STARD8: variants seen among roughly 807,000 people sequenced by gnomAD.
The protein encoded by STARD8 is stAR-related lipid transfer protein 8.
In STARD8, 25 loss-of-function variants were observed where a neutral mutation model predicts 69.4. The ratio of observed to expected loss-of-function variants is 0.36; its 90% CI spans 0.26 to 0.50. The LOEUF is 0.50. Among genes scored for constraint, STARD8 ranks in the 20% least tolerant of loss-of-function variants. The probability of loss-of-function intolerance (pLI) is 0.96; values close to 1 mark genes in which losing one functional copy is unlikely to be tolerated. For synonymous variants in STARD8, 389 were observed against 374.6 expected (o/e 1.04, Z -0.45); for missense variants, 921 against 932.5 (o/e 0.99, Z 0.16).
At chrX:68,680,036 T>A (rs1049618930) in intron 2 of STARD8, among the ~76,000 whole-genome samples, 3 of 112,037 alleles carry the variant, frequency 2.7e-5, no homozygotes, top group Non-Finnish European at 5.6e-5. Context: ...AAACTGTGCG[T>A]CGCCAACTTT....
chrX:68,722,327 C>A, intron 11 of STARD8, 95 bp from the exon 12 acceptor site: 1 of 885,715 alleles, frequency 1.1e-6, no homozygotes, highest in Non-Finnish European at 1.6e-6. Flanking sequence ...GCTGTGGTAG[C>A]TGCACCTCTC....
Position 68,719,372 on chromosome X carries a change from T to A in STARD8, c.1863T>A (p.Thr621=). 1 of 1,188,622 alleles carries A rather than the reference T, an allele frequency of 8.4e-7. No individual in the cohort carries two copies. The highest frequency in any genetic ancestry group is 2.4e-4 in the Middle Eastern group (1 of 4,223). ...LRLTAFMEKY[T]VPHKQGWVWS... is the part of the protein sequence containing the mutation. ...TTACCGCGTTCATGGAGAAGTACACTGTGCCCCACAAGCAGGGCTGGGTCT... is the reference window on the plus strand; with the variant it reads ...TTACCGCGTTCATGGAGAAGTACACAGTGCCCCACAAGCAGGGCTGGGTCT... Residue 621 remains threonine (T), a synonymous_variant, in exon 7 of 15, where the codon ACT becomes ACA. Transcript: ENST00000374599.
At chrX:68,666,799 G>A (rs775285935) in intron 2 of STARD8, among the ~76,000 whole-genome samples, 12 of 112,096 alleles carry the variant, frequency 1.1e-4, no homozygotes, top group East Asian at 2.8e-4. Flanking sequence ...GTCTTGCTGC[G>A]CAGTTTCTGC....
intron 2 of STARD8, among the ~76,000 whole-genome samples, chrX:68,683,268 T>C (rs993873341): frequency 8.9e-6 from 1 of 112,619 alleles, no homozygotes; most frequent in Non-Finnish European, 1.9e-5. Context: ...CAGTGGTTAC[T>C]AGCTAAAGCT....
At chrX:68,669,743 A>G (rs756833947) in intron 2 of STARD8, among the ~76,000 whole-genome samples, 1 of 111,758 alleles carries the variant, frequency 8.9e-6, no homozygotes, top group African/African-American at 3.3e-5. Context: ...GCTGCCCCAG[A>G]CCCCTCCCCC....
intron 2 of STARD8, among the ~76,000 whole-genome samples, chrX:68,703,470 G>A (rs1018217495): frequency 1.7e-4 from 19 of 112,511 alleles, no homozygotes; most frequent in East Asian, 2.8e-4. Flanking sequence ...CCTAGGCTCC[G>A]CCCCTTGCTA....
chrX:68,698,046 G>A (rs1274687792), intron 2 of STARD8, among the ~76,000 whole-genome samples: 1 of 112,222 alleles, frequency 8.9e-6, no homozygotes, highest in Non-Finnish European at 1.9e-5. Context: ...GTCCACCTCA[G>A]GCCTTAAAGA....
At position 68,647,706 on chromosome X, in the gene STARD8, A is replaced by T; in HGVS notation, c.-177A>T. On this transcript the variant is annotated 5_prime_UTR_variant, in exon 1 of 15. Transcript: ENST00000374599. Reference sequence around the variant, plus strand: ...GGCGGGAGGCGCCCGCTGTCGAGGCAGCTGAGCCCCGGCAACCGCTGCTCT... The same window carrying T: ...GGCGGGAGGCGCCCGCTGTCGAGGCTGCTGAGCCCCGGCAACCGCTGCTCT... The T allele has an allele frequency of 1.8e-6, 1 of 544,423 alleles. No homozygotes were observed. Among genetic ancestry groups the T allele is most frequent in the Non-Finnish European group, 2.8e-6 (1 of 355,693 alleles). The allele number at this position is 544,423 out of a possible 1,213,427, so 44.9% of individuals were successfully genotyped here. A position where few individuals can be genotyped will look rare whatever the true frequency, so the allele number is the denominator to read the frequency against.
At chrX:68,688,332 C>A (rs1000315528) in intron 2 of STARD8, among the ~76,000 whole-genome samples, 7 of 110,934 alleles carry the variant, frequency 6.3e-5, no homozygotes, top group Admixed American at 1.9e-4. Flanking sequence ...GCTCAGCCAG[C>A]CTGAATTGAC....
chrX:68,722,141 G>A lies in STARD8; in HGVS notation c.2554G>A (p.Asp852Asn). The A allele has an allele frequency of 8.3e-7, 1 of 1,204,823 alleles. No individual in the cohort carries two copies. Among genetic ancestry groups the A allele is most frequent in the Non-Finnish European group, 1.1e-6 (1 of 890,371 alleles). The change falls in exon 11 of 15, where the codon GAC (aspartate) becomes AAC (asparagine). Residue 852 changes from aspartate to asparagine, a missense_variant. By Grantham distance (23) the Asp-to-Asn change is conservative. Transcript: ENST00000374599. The stretch of plus-strand genomic sequence containing the variant: ...CCAGGGCCTGTCGCACATGATCAGT[G>A]ACTGCAAGAAACTTTTCCAGGTGAG... ...ATQGLSHMIS[D>N]CKKLFQVPQD...
intron 1 of STARD8, among the ~76,000 whole-genome samples, chrX:68,654,173 G>A (rs778728622): frequency 1.3e-4 from 14 of 111,977 alleles, no homozygotes; most frequent in South Asian, 3.8e-4. Context: ...GAGGCCCAGA[G>A]AGGGGAGAGA....
chrX:68,700,998 T>A (rs1240987769), intron 2 of STARD8, among the ~76,000 whole-genome samples: 1 of 111,717 alleles, frequency 9.0e-6, no homozygotes, highest in Non-Finnish European at 1.9e-5. Flanking sequence ...GTCATTTGGT[T>A]GTTTTTCACT....
intron 5 of STARD8, among the ~76,000 whole-genome samples, chrX:68,716,638 G>A (rs1359977159): frequency 9.1e-6 from 1 of 110,465 alleles, no homozygotes; most frequent in African/African-American, 3.3e-5. Context: ...TTTTTTTCTG[G>A]GGCTTTCTAT....
chrX:68,677,691 G>A (rs1171153017), intron 2 of STARD8, among the ~76,000 whole-genome samples: 1 of 111,250 alleles, frequency 9.0e-6, no homozygotes, highest in Non-Finnish European at 1.9e-5. Context: ...TCCACCAAGT[G>A]GGCACTGGCC....
chrX:68,700,102 G>A (rs56008802), intron 2 of STARD8, among the ~76,000 whole-genome samples: 6,979 of 111,637 alleles, frequency 0.063, 238 homozygotes, highest in Non-Finnish European at 0.097. Context: ...TACTGAAGCC[G>A]GAAATGAGTA....
At chrX:68,697,775 C>A (rs974342942) in intron 2 of STARD8, among the ~76,000 whole-genome samples, 3 of 112,503 alleles carry the variant, frequency 2.7e-5, no homozygotes, top group Non-Finnish European at 3.8e-5. Flanking sequence ...CAGCCCTCTA[C>A]CCCCATGTGG....
Position 68,689,991 on chromosome X carries a change from AGTTTTGTTTT to A in STARD8, c.80-22898_80-22889del, listed in dbSNP as rs370985430. 1.3e-3 allele frequency among the ~76,000 whole-genome samples: 145 copies of A among 107,826 alleles called. 1 individual carries two copies. The South Asian group carries it at 0.02, about 15-fold the overall frequency. 93.6% of individuals were successfully genotyped at this position (107,826 alleles called of 115,157 possible). A position where few individuals can be genotyped will look rare whatever the true frequency, so the allele number is the denominator to read the frequency against. On this transcript the variant is annotated intron_variant, in intron 2 of 14. Transcript: ENST00000374599. ...CTCCTATGGCCATGGCTCCTCAGGA[AGTTTTGTTTT>A]GTTTTGTTTTGTTTTGTTTTGTTTG...
At chrX:68,707,997 A>G (rs1443376896) in intron 2 of STARD8, among the ~76,000 whole-genome samples, 1 of 111,612 alleles carries the variant, frequency 9.0e-6, no homozygotes, top group Non-Finnish European at 1.9e-5. Flanking sequence ...CTCTTCTCTC[A>G]CCTCTTTTCA....
rs772480884 is a variant in STARD8 at position 68,723,123 on chromosome X, G to A, written c.2799+477G>A. 2.2e-4 allele frequency among the ~76,000 whole-genome samples: 25 copies of A among 112,698 alleles called. No homozygotes were observed. The East Asian group carries it at 4.8e-3, about 22-fold the overall frequency. ...TCTCTCTGTTCCCCTCTGGGCACTG[G>A]TCATGCTCTTTCTTGGACGTGGATT... On this transcript the variant is annotated intron_variant, in intron 12 of 14. Coordinates refer to ENST00000374599, the MANE Select transcript of STARD8 (RefSeq NM_001142503.3).
Sources: allele counts gnomAD v4.1 joint callset (sites outside exome capture counted in the v4.1 genomes callset), GRCh38; gene constraint gnomAD v4.1.1; transcripts MANE v1.5; gene names NCBI Gene and HGNC (gene_info 2026-07-23, HGNC 2026-07-21).